The following TEX14 variants were observed in gnomAD, a reference collection of about 807,000 sequenced individuals.
The protein encoded by TEX14 is inactive serine/threonine-protein kinase TEX14.
A neutral mutation model predicts 178.6 loss-of-function variants in TEX14; 168 were observed. That is an observed-to-expected ratio of 0.94 (90% CI 0.83 to 1.07). TEX14 has a LOEUF of 1.07. Among genes scored for constraint, TEX14 ranks in the 50% least tolerant of loss-of-function variants. The probability of loss-of-function intolerance (pLI) is 0.00; values close to 1 mark genes in which losing one functional copy is unlikely to be tolerated. For missense variants in TEX14, 1,730 were observed against 1,753.6 expected, an observed-to-expected ratio of 0.99 and a Z score of 0.24; for synonymous variants, 626 against 634.1, an observed-to-expected ratio of 0.99 and a Z score of 0.19.
At chr17:58,670,773 A>ATC (rs2047292063) in intron 1 of TEX14, among the ~76,000 whole-genome samples, 1 of 70,054 alleles carries the variant, frequency 1.4e-5, no homozygotes, top group Non-Finnish European at 2.8e-5. Context: ...ACTCCCTCTT[A>ATC]AAAAAAAAAA....
At chr17:58,608,155 C>A (rs1340328817) in intron 10 of TEX14, among the ~76,000 whole-genome samples, 1 of 151,954 alleles carries the variant, frequency 6.6e-6, no homozygotes, top group South Asian at 2.1e-4. Flanking sequence ...CAGGGGCTCA[C>A]GCCTGTATTC....
intron 1 of TEX14, among the ~76,000 whole-genome samples, chr17:58,673,523 T>TAAATAAA (rs2047338875): frequency 8.9e-6 from 1 of 112,962 alleles, no homozygotes; most frequent in African/African-American, 3.4e-5. Context: ...AAATAAATAA[T>TAAATAAA]TGTATTGTAA....
chr17:58,649,402 C>G (rs778160421), intron 2 of TEX14, among the ~76,000 whole-genome samples: 2 of 152,048 alleles, frequency 1.3e-5, no homozygotes, highest in Non-Finnish European at 2.9e-5. Flanking sequence ...TTTAAAGAAT[C>G]TAAGGATCAT....
intron 7 of TEX14, 83 bp from the exon 8 acceptor site, chr17:58,615,428 C>A (rs187950631): frequency 1.1e-6 from 1 of 881,356 alleles, no homozygotes; most frequent in Non-Finnish European, 1.9e-6. Flanking sequence ...TAAGCAAGGA[C>A]CAGAGAAATG....
intron 2 of TEX14, chr17:58,631,690 G>C (rs376047198): frequency 6.6e-6 from 1 of 150,636 alleles, no homozygotes; most frequent in Non-Finnish European, 1.5e-5. Context: ...ACAGCAAACA[G>C]CAGTTAGAAT....
chr17:58,670,200 C>T (rs1335975726), intron 1 of TEX14, among the ~76,000 whole-genome samples: 1 of 152,032 alleles, frequency 6.6e-6, no homozygotes, highest in Non-Finnish European at 1.5e-5. Flanking sequence ...TTCATTATTC[C>T]ACTGTGTGAT....
At chr17:58,651,632 G>A (rs1258868247) in intron 2 of TEX14, among the ~76,000 whole-genome samples, 3 of 152,216 alleles carry the variant, frequency 2.0e-5, no homozygotes, top group African/African-American at 2.4e-5. Context: ...GAGCCTAGCA[G>A]TAGCAGTTGG....
At chr17:58,559,751 A>G (rs2044235178) in intron 29 of TEX14, among the ~76,000 whole-genome samples, 189 bp from the exon 30 acceptor site, 1 of 152,196 alleles carries the variant, frequency 6.6e-6, no homozygotes, top group Non-Finnish European at 1.5e-5. Context: ...TTTAATTCCC[A>G]TAACTATATA....
intron 1 of TEX14, chr17:58,660,905 G>A: frequency 1.2e-6 from 1 of 838,772 alleles, no homozygotes; most frequent in Non-Finnish European, 2.1e-6. Context: ...ACATGAGTTA[G>A]AAGTGGATGC....
In TEX14 at chr17:58,561,540, G is replaced by T; in HGVS notation, c.4137C>A (p.Asp1379Glu). ...ATAACCTTTCAGAGCCCTTGGGAAG[G>T]TCTTGTAGCTCCACGCTCTCCTCAG... ...QPPEESVELQ[D>E]LPKGSERETN... Residue 1379 changes from aspartate (D) to glutamate (E), a missense_variant, in exon 29 of 32, where the codon GAC becomes GAA. Asp to Glu is a conservative substitution (Grantham distance 45). Transcript: ENST00000349033. 6.2e-7 allele frequency: 1 copy of T among 1,613,352 alleles called. No individual in the cohort carries two copies. Among genetic ancestry groups the T allele is most frequent in the South Asian group, 1.1e-5 (1 of 91,054 alleles).
At chr17:58,658,170 T>A (rs2047008577) in intron 1 of TEX14, among the ~76,000 whole-genome samples, 1 of 152,180 alleles carries the variant, frequency 6.6e-6, no homozygotes, top group African/African-American at 2.4e-5. Flanking sequence ...CGAGACTGAT[T>A]TGAGTAACAA....
At chr17:58,607,158 G>A (rs917130643) in intron 10 of TEX14, among the ~76,000 whole-genome samples, 1 of 151,896 alleles carries the variant, frequency 6.6e-6, no homozygotes, top group Non-Finnish European at 1.5e-5. Flanking sequence ...AAAAATAAAT[G>A]TGGGATTGAA....
chr17:58,644,145 T>C (rs186742579), intron 2 of TEX14, among the ~76,000 whole-genome samples: 1 of 152,142 alleles, frequency 6.6e-6, no homozygotes, highest in East Asian at 1.9e-4. Context: ...TAATCACCAA[T>C]GACCAATGAT....
chr17:58,616,419 A>G, intron 6 of TEX14, 114 bp from the exon 7 acceptor site: 1 of 1,381,372 alleles, frequency 7.2e-7, no homozygotes, highest in Non-Finnish European at 9.7e-7. Context: ...AACTTTCTGA[A>G]TACCCCTATG....
chr17:58,622,888 T>C lies in TEX14; in HGVS notation c.376A>G (p.Lys126Glu). ...RLHDERGQNP[K>E]TWALTAGKER... ...TTTCCTGCTGTCAAAGCCCAAGTCT[T>C]CGGGTTTTGACCCCTCTCATCGTGG... is the stretch of plus-strand genomic sequence containing the variant. The change falls in exon 4 of 32, where the codon AAG (lysine) becomes GAG (glutamate). Residue 126 changes from lysine (K) to glutamate (E), a missense_variant. Lys to Glu is a moderately conservative substitution (Grantham distance 56). This residue lies in a region of TEX14 where 789 missense variants were observed against 681.2 expected (regional missense o/e 1.16). Coordinates refer to ENST00000349033, the MANE Select transcript of TEX14 (RefSeq NM_031272.5). The C allele has an allele frequency of 6.2e-7, 1 of 1,612,548 alleles. No individual in the cohort carries two copies. The highest frequency in any genetic ancestry group is 8.5e-7 in the Non-Finnish European group (1 of 1,178,830).
intron 10 of TEX14, among the ~76,000 whole-genome samples, chr17:58,609,930 G>A (rs2045705582): frequency 6.6e-6 from 1 of 152,228 alleles, no homozygotes; most frequent in African/African-American, 2.4e-5. Flanking sequence ...AAGCATCAGT[G>A]ATGGGTAGGT....
At chr17:58,658,770 T>C (rs1480989829) in intron 1 of TEX14, among the ~76,000 whole-genome samples, 3 of 152,016 alleles carry the variant, frequency 2.0e-5, no homozygotes, top group African/African-American at 2.4e-5. Flanking sequence ...AGGGATGAGG[T>C]ACTTAACTTC....
rs1369034099 is a variant in TEX14, at chr17:58,584,576, T to A, written c.3095A>T (p.Gln1032Leu). Residue 1032 changes from glutamine to leucine, a missense_variant, in exon 19 of 32, where the codon CAA becomes CTA. Around this residue, in one of 2 missense-constraint regions of TEX14, gnomAD observed 941 missense variants for 1,072.4 expected, o/e 0.88. Transcript: ENST00000349033. ...FTSIRHPSPR[Q>L]KEQPEHSEAF... ...TTCACTATGCTCTGGTTGCTCCTTT[T>A]GTCTGGGAGATGGGTGCCTGATACC... The A allele has an allele frequency of 6.2e-7, 1 of 1,614,002 alleles. No individual in the cohort carries two copies. The highest frequency in any genetic ancestry group is 8.5e-7 in the Non-Finnish European group (1 of 1,179,974).
chr17:58,636,349 C>T (rs974069769), intron 2 of TEX14, among the ~76,000 whole-genome samples: 1 of 152,218 alleles, frequency 6.6e-6, no homozygotes, highest in Non-Finnish European at 1.5e-5. Flanking sequence ...GACCTGGATT[C>T]AAATGTTGAC....
Sources: allele counts gnomAD v4.1 joint callset (sites outside exome capture counted in the v4.1 genomes callset), GRCh38; gene constraint gnomAD v4.1.1; regional missense constraint gnomAD v4.1.1; transcripts MANE v1.5; gene names NCBI Gene and HGNC (gene_info 2026-07-23, HGNC 2026-07-21).